The following RSF1 variants were observed in gnomAD, a reference collection of about 807,000 sequenced individuals.
RSF1 encodes remodeling and spacing factor 1, also known as HBV pX-associated protein 8.
Under a neutral mutation model 145.2 loss-of-function variants are expected in RSF1, and 13 were observed. The observed-to-expected ratio is 0.09, with a 90% confidence interval of 0.06 to 0.14. The LOEUF (loss-of-function observed/expected upper bound fraction) is 0.14, where lower values mean the gene tolerates loss of function less well. RSF1 is among the 10% of genes least tolerant of loss of function. The probability of loss-of-function intolerance (pLI) is 1.00; values close to 1 mark genes in which losing one functional copy is unlikely to be tolerated. For missense variants in RSF1, 1,517 were observed against 1,718.2 expected, an observed-to-expected ratio of 0.88 and a Z score of 2.07; for synonymous variants, 577 against 592.6, an observed-to-expected ratio of 0.97 and a Z score of 0.38.
chr11:77,868,817 G>T, the RSF1 span: 2 of 214,790 alleles, frequency 9.3e-6, no homozygotes, highest in East Asian at 1.1e-4. Flanking sequence ...CGCTTAATTT[G>T]AACCCGGGTA....
intron 7 of RSF1, among the ~76,000 whole-genome samples, chr11:77,694,910 G>A (rs1960244908): frequency 6.6e-6 from 1 of 152,158 alleles, no homozygotes. Flanking sequence ...TTTGTTTGAT[G>A]TTTACTCATG....
chr11:77,778,371 T>A (rs1352930338), intron 1 of RSF1, among the ~76,000 whole-genome samples: 5 of 152,008 alleles, frequency 3.3e-5, no homozygotes, highest in African/African-American at 1.2e-4. Flanking sequence ...TCATAAAACA[T>A]GAAATTAACA....
the RSF1 span, among the ~76,000 whole-genome samples, chr11:77,858,263 C>A: frequency 7.0e-6 from 1 of 142,264 alleles, no homozygotes; most frequent in Admixed American, 7.1e-5. Context: ...TGTGCAATCT[C>A]GGCTCACTAC....
chr11:77,737,080 T>C (rs1267290090), intron 4 of RSF1, among the ~76,000 whole-genome samples: 5 of 152,190 alleles, frequency 3.3e-5, no homozygotes, highest in African/African-American at 1.2e-4. Flanking sequence ...GAAACATATG[T>C]ATTCACAGAT....
chr11:77,735,161 G>T (rs1343134903), intron 4 of RSF1: 23 of 701,048 alleles, frequency 3.3e-5, no homozygotes, highest in Non-Finnish European at 6.0e-5. Context: ...GCTGGGGTGG[G>T]GGACGAGCAC....
chr11:77,868,463 A>AT, the RSF1 span, among the ~76,000 whole-genome samples: 1 of 147,486 alleles, frequency 6.8e-6, no homozygotes, highest in Non-Finnish European at 1.5e-5. Flanking sequence ...GGTTCAAGTG[A>AT]TTCTCCTGCC....
the RSF1 span, among the ~76,000 whole-genome samples, chr11:77,846,436 T>C: frequency 1.3e-5 from 2 of 152,344 alleles, no homozygotes; most frequent in Admixed American, 1.3e-4. Context: ...CTGGCCAACA[T>C]GGTGAAACCC....
upstream of RSF1, chr11:77,820,886 G>A (rs1318018279): frequency 2.9e-5 from 20 of 690,712 alleles, no homozygotes; most frequent in Non-Finnish European, 3.8e-5. Context: ...GCGGCCCGGA[G>A]CAGTCGAGAA....
chr11:77,686,408 C>CAAAAAAAAAAAAA (rs564410248), intron 9 of RSF1, among the ~76,000 whole-genome samples: 3,741 of 36,908 alleles, frequency 0.1, 842 homozygotes, highest in Non-Finnish European at 0.12. Flanking sequence ...GACCCTGTCT[C>CAAAAAAAAAAAAA]AAAAAAAAAA....
chr11:77,679,648 G>C (rs1019775017), intron 11 of RSF1, among the ~76,000 whole-genome samples: 7 of 151,322 alleles, frequency 4.6e-5, no homozygotes, highest in Non-Finnish European at 4.4e-5. Flanking sequence ...ACTCCAGCCT[G>C]GGGGACAGAG....
rs1294853854 is a variant in RSF1 at position 77,725,624 on chromosome 11, G to C, written c.654C>G (p.Ser218Arg). ...QIDPVLLKNS[S>R]QQDNSSRESP... ...TTTCCCGAGAAGAGTTGTCTTGTTG[G>C]CTAGAGTTTTTCAATAGTACAGGAT... The change falls in exon 5 of 16, where the codon AGC (serine) becomes AGG (arginine). Residue 218 changes from serine (S) to arginine (R), a missense_variant. Around this residue, in one of 12 missense-constraint regions of RSF1, gnomAD observed 207 missense variants for 191.4 expected, o/e 1.08. Transcript: ENST00000308488. The C allele has an allele frequency of 2.5e-6, 4 of 1,611,840 alleles. No homozygotes were observed. The highest frequency in any genetic ancestry group is 3.4e-6 in the Non-Finnish European group (4 of 1,178,896).
chr11:77,802,905 T>C (rs550121340), intron 1 of RSF1, among the ~76,000 whole-genome samples: 3 of 152,276 alleles, frequency 2.0e-5, no homozygotes, highest in Non-Finnish European at 2.9e-5. Context: ...CTATGATATA[T>C]AGCGCCTCTC....
chr11:77,663,846 A>G lies in RSF1; in HGVS notation c.*3071T>C, dbSNP rs1447890082. On this transcript the variant is annotated 3_prime_UTR_variant, in exon 16 of 16. Coordinates refer to ENST00000308488, the MANE Select transcript of RSF1 (RefSeq NM_016578.4). ...TTGCAAACTAAATATACTGAATATT[A>G]ATCTACATCTCCCTTTAATACATTA... The G allele has an allele frequency of 6.6e-6, 1 of 152,218 alleles. No homozygotes were observed. Among genetic ancestry groups the G allele is most frequent in the Non-Finnish European group, 1.5e-5 (1 of 68,038 alleles). 9.4% of individuals were successfully genotyped at this position (152,218 alleles called of 1,614,324 possible).
At chr11:77,778,095 T>C (rs542062823) in intron 1 of RSF1, among the ~76,000 whole-genome samples, 12 of 4,892 alleles carry the variant, frequency 2.5e-3, no homozygotes, top group African/African-American at 1.0e-2. Flanking sequence ...AGGCAGATCC[T>C]GTCTTGGGAA....
At chr11:77,836,780 A>G in the RSF1 span, among the ~76,000 whole-genome samples, 1 of 152,176 alleles carries the variant, frequency 6.6e-6, no homozygotes, top group Non-Finnish European at 1.5e-5. Context: ...AGCCTGAACA[A>G]CATGGAGAAA....
At chr11:77,811,292 G>C (rs1281931329) in intron 1 of RSF1, among the ~76,000 whole-genome samples, 2 of 152,226 alleles carry the variant, frequency 1.3e-5, no homozygotes, top group African/African-American at 4.8e-5. Flanking sequence ...CCTATAGTAA[G>C]TTGAGGAAAA....
At chr11:77,751,566 C>G (rs1267703362) in intron 2 of RSF1, among the ~76,000 whole-genome samples, 1 of 152,208 alleles carries the variant, frequency 6.6e-6, no homozygotes, top group African/African-American at 2.4e-5. Context: ...TGAAATATAA[C>G]CAACAGACAG....
chr11:77,804,264 AC>A (rs1440630290), intron 1 of RSF1, among the ~76,000 whole-genome samples: 1 of 152,118 alleles, frequency 6.6e-6, no homozygotes, highest in Non-Finnish European at 1.5e-5. Flanking sequence ...TAAAGCCATA[AC>A]TGTAAATAAA....
At chr11:77,735,049 C>CGGCGGT (rs1565164191) in intron 4 of RSF1, 1 of 1,367,122 alleles carries the variant, frequency 7.3e-7, no homozygotes, top group Non-Finnish European at 1.0e-6. Context: ...GGAGAGGTGG[C>CGGCGGT]GGCGGTGGCA....
Sources: allele counts gnomAD v4.1 joint callset (sites outside exome capture counted in the v4.1 genomes callset), GRCh38; gene constraint gnomAD v4.1.1; regional missense constraint gnomAD v4.1.1; transcripts MANE v1.5; gene names NCBI Gene and HGNC (gene_info 2026-07-23, HGNC 2026-07-21).